Variants in FAM200B observed in about 807,000 individuals in gnomAD.
The protein encoded by FAM200B is zinc finger BED-type containing 11.
In FAM200B, 32 loss-of-function variants were observed where a neutral mutation model predicts 33.1. That is an observed-to-expected ratio of 0.97 (90% CI 0.73 to 1.30). FAM200B has a LOEUF of 1.30. FAM200B is among the 50% of genes most tolerant of loss of function. The probability of loss-of-function intolerance (pLI) is 0.00; values close to 1 mark genes in which losing one functional copy is unlikely to be tolerated. For synonymous variants in FAM200B, 240 were observed against 264.8 expected, an observed-to-expected ratio of 0.91 and a Z score of 0.91; for missense variants, 741 against 754.0, an observed-to-expected ratio of 0.98 and a Z score of 0.20.
At chr4:15,668,219 A>G in the FAM200B span, among the ~76,000 whole-genome samples, 3 of 151,488 alleles carry the variant, frequency 2.0e-5, no homozygotes, top group Non-Finnish European at 4.4e-5. Flanking sequence ...GTAAATGGTC[A>G]GTTCATTTGT....
upstream of FAM200B, among the ~76,000 whole-genome samples, chr4:15,679,878 T>A (rs1718147156): frequency 6.6e-6 from 1 of 152,184 alleles, no homozygotes; most frequent in Non-Finnish European, 1.5e-5. Context: ...ACACATTTCC[T>A]CTTGGATCCA....
chr4:15,646,791 C>A, the FAM200B span, among the ~76,000 whole-genome samples: 1 of 150,350 alleles, frequency 6.7e-6, no homozygotes, highest in East Asian at 2.0e-4. Flanking sequence ...TGAGAACATG[C>A]GGTGTTTGGT....
upstream of FAM200B, among the ~76,000 whole-genome samples, chr4:15,680,600 C>T (rs1031227273): frequency 2.0e-5 from 3 of 152,004 alleles, no homozygotes; most frequent in Admixed American, 2.0e-4. Context: ...TCGCTTGAAC[C>T]AGGAGGCTGA....
At chr4:15,640,625 G>A in the FAM200B span, among the ~76,000 whole-genome samples, 8 of 144,980 alleles carry the variant, frequency 5.5e-5, no homozygotes, top group South Asian at 2.2e-4. Flanking sequence ...CAAAACAAAC[G>A]TTTTTTTTTT....
the FAM200B span, among the ~76,000 whole-genome samples, chr4:15,658,736 A>G: frequency 6.6e-6 from 1 of 152,218 alleles, no homozygotes; most frequent in Non-Finnish European, 1.5e-5. Flanking sequence ...TTCTGTTATA[A>G]GCAATAGAAA....
the FAM200B span, among the ~76,000 whole-genome samples, chr4:15,666,871 TAAAA>T: frequency 6.8e-6 from 1 of 146,014 alleles, no homozygotes. Flanking sequence ...GTCCCACCAT[TAAAA>T]AAAAAAAGAC....
At position 15,687,600 on chromosome 4, in the gene FAM200B, C is replaced by G. The variant is rs77356170; in HGVS notation, c.623C>G (p.Ala208Gly). 384 of 1,550,874 alleles carry G rather than the reference C, an allele frequency of 2.5e-4. 3 individuals carry two copies. In the African/African-American group the frequency reaches 4.6e-3, roughly 19 times the overall value. The change falls in exon 2 of 2, where the codon GCA (alanine) becomes GGA (glycine). Residue 208 changes from alanine (A) to glycine (G), a missense_variant. Ala to Gly is a moderately conservative substitution (Grantham distance 60). Coordinates refer to ENST00000422728, the MANE Select transcript of FAM200B (RefSeq NM_001145191.2). ...NTVSLRICTI[A>G]EHLETMLITR... is the part of the protein sequence containing the mutation. Reference sequence around the variant, plus strand: ...GTATCTCTTCGAATTTGTACTATTGCAGAACATTTAGAAACAATGCTTATT... The same window carrying G: ...GTATCTCTTCGAATTTGTACTATTGGAGAACATTTAGAAACAATGCTTATT...
In FAM200B at chr4:15,688,367, C is replaced by T. The variant is rs780617875; in HGVS notation, c.1390C>T (p.Arg464Ter). 28 of 1,549,558 alleles carry T rather than the reference C, an allele frequency of 1.8e-5. No homozygotes were observed. Among genetic ancestry groups the T allele is most frequent in the African/African-American group, 1.2e-4 (9 of 72,952 alleles). ...FQHVERIQGF[R>*]KTLLLWQVRL... ...ACATGTTGAACGTATCCAGGGATTT[C>T]GAAAGACATTATTGTTATGGCAAGT... The change falls in exon 2 of 2, where the codon CGA becomes TGA. Residue 464 changes from arginine to a stop codon, truncating the protein, a stop_gained. Coordinates refer to ENST00000422728, the MANE Select transcript of FAM200B (RefSeq NM_001145191.2). LOFTEE classifies it high-confidence loss of function.
In FAM200B at chr4:15,687,028, A is replaced by G; in HGVS notation, c.51A>G (p.Thr17=). ...AGAGGAATAGTGAAGTGAAATATAC[A>G]GAAGCATGTTCAAGTTCATCTGTTG... ...KRKRNSEVKY[T]EACSSSSVES... Residue 17 remains threonine (T), a synonymous_variant, in exon 2 of 2, where the codon ACA becomes ACG. Transcript: ENST00000422728. 1 of 1,511,016 alleles carries G rather than the reference A, an allele frequency of 6.6e-7. No individual in the cohort carries two copies. Among genetic ancestry groups the G allele is most frequent in the Non-Finnish European group, 8.9e-7 (1 of 1,120,624 alleles). 93.6% of individuals were successfully genotyped at this position (1,511,016 alleles called of 1,614,324 possible).
the FAM200B span, among the ~76,000 whole-genome samples, chr4:15,638,949 G>A: frequency 6.6e-6 from 1 of 152,158 alleles, no homozygotes; most frequent in East Asian, 1.9e-4. Context: ...TAGGTCACCT[G>A]AGGTCGGGAG....
chr4:15,650,444 CAA>C, the FAM200B span, among the ~76,000 whole-genome samples: 2 of 152,080 alleles, frequency 1.3e-5, no homozygotes, highest in African/African-American at 4.8e-5. Context: ...TTCGGACCCA[CAA>C]AAGAGATTTA....
chr4:15,666,553 C>T, the FAM200B span, among the ~76,000 whole-genome samples: 1 of 125,620 alleles, frequency 8.0e-6, no homozygotes, highest in Non-Finnish European at 1.9e-5. Context: ...GTCAGGTAGA[C>T]AGGAGGAATA....
chr4:15,652,882 TA>T, the FAM200B span, among the ~76,000 whole-genome samples: 1 of 142,042 alleles, frequency 7.0e-6, no homozygotes, highest in East Asian at 1.9e-4. Flanking sequence ...AGTTTTATTG[TA>T]AACTGTTTGG....
the FAM200B span, chr4:15,640,906 AT>A: frequency 7.8e-7 from 1 of 1,288,712 alleles, no homozygotes; most frequent in Non-Finnish European, 1.1e-6. Context: ...AAAAAAATAC[AT>A]TTTTATAAAA....
At chr4:15,667,934 G>A in the FAM200B span, among the ~76,000 whole-genome samples, 9 of 151,878 alleles carry the variant, frequency 5.9e-5, no homozygotes, top group African/African-American at 1.5e-4. Context: ...CCAGCTACTC[G>A]GGAGGTTGTG....
At chr4:15,660,712 A>C in the FAM200B span, among the ~76,000 whole-genome samples, 1 of 152,224 alleles carries the variant, frequency 6.6e-6, no homozygotes, top group Non-Finnish European at 1.5e-5. Flanking sequence ...TTAATCTACA[A>C]CATGTGTAAA....
At chr4:15,657,412 G>A in the FAM200B span, among the ~76,000 whole-genome samples, 1 of 152,186 alleles carries the variant, frequency 6.6e-6, no homozygotes, top group Non-Finnish European at 1.5e-5. Context: ...AATATGCTAT[G>A]TTGTCTTGTC....
the FAM200B span, among the ~76,000 whole-genome samples, chr4:15,658,088 A>G: frequency 6.6e-6 from 1 of 152,212 alleles, no homozygotes; most frequent in Non-Finnish European, 1.5e-5. Flanking sequence ...GGCCTCTTCT[A>G]TAGTAGTTTC....
the FAM200B span, among the ~76,000 whole-genome samples, chr4:15,674,372 T>C: frequency 6.6e-6 from 1 of 152,166 alleles, no homozygotes; most frequent in African/African-American, 2.4e-5. Flanking sequence ...GTACTGGGTA[T>C]GTGAGAACTG....
Sources: gnomAD v4.1 joint callset for allele counts (sites outside exome capture counted in the v4.1 genomes callset) on GRCh38, gnomAD v4.1.1 for gene constraint, MANE v1.5 for transcripts, NCBI Gene and HGNC (gene_info 2026-07-23, HGNC 2026-07-21) for gene names.